DOCK10: variants seen among roughly 807,000 people sequenced by gnomAD.
DOCK10 encodes the protein dedicator of cytokinesis protein 10.
A neutral mutation model predicts 280.1 loss-of-function variants in DOCK10; 145 were observed. The ratio of observed to expected loss-of-function variants is 0.52; its 90% CI spans 0.45 to 0.59. The LOEUF (loss-of-function observed/expected upper bound fraction) is 0.59. Among genes scored for constraint, DOCK10 ranks in the 20% least tolerant of loss-of-function variants. DOCK10 has a pLI of 0.00. For missense variants in DOCK10, 2,368 were observed against 2,651.7 expected, an observed-to-expected ratio of 0.89 and a Z score of 2.35; for synonymous variants, 915 against 942.2, an observed-to-expected ratio of 0.97 and a Z score of 0.53.
At chr2:224,988,057 A>G (rs1706018728) in intron 1 of DOCK10, among the ~76,000 whole-genome samples, 1 of 152,110 alleles carries the variant, frequency 6.6e-6, no homozygotes, top group Admixed American at 6.5e-5. Context: ...CCTGGCCCAT[A>G]ATTATTCAGT....
At chr2:225,009,981 A>G (rs779908088) in intron 1 of DOCK10, among the ~76,000 whole-genome samples, 6 of 152,172 alleles carry the variant, frequency 3.9e-5, no homozygotes, top group African/African-American at 7.2e-5. Flanking sequence ...GGGCATAGAA[A>G]AAAATGCAGC....
At chr2:224,854,167 T>C (rs1325957063) in intron 16 of DOCK10, among the ~76,000 whole-genome samples, 2 of 151,862 alleles carry the variant, frequency 1.3e-5, no homozygotes, top group Non-Finnish European at 2.9e-5. Context: ...AATCCAAATA[T>C]CCCATGGCAA....
chr2:224,868,999 G>A (rs912609289), intron 11 of DOCK10, among the ~76,000 whole-genome samples: 4 of 152,050 alleles, frequency 2.6e-5, no homozygotes, highest in African/African-American at 7.2e-5. Flanking sequence ...AGCTCATGTG[G>A]TGATTCATTT....
intron 2 of DOCK10, among the ~76,000 whole-genome samples, chr2:224,921,926 C>G (rs1375753762): frequency 6.6e-6 from 1 of 151,584 alleles, no homozygotes; most frequent in East Asian, 1.9e-4. Context: ...ACGAAGAAAC[C>G]CCGTCTCTAC....
intron 1 of DOCK10, among the ~76,000 whole-genome samples, chr2:225,022,292 T>C (rs571038737): frequency 8.5e-5 from 13 of 152,216 alleles, no homozygotes; most frequent in African/African-American, 1.9e-4. Flanking sequence ...TAAAATTGTG[T>C]GATCTTGAGC....
rs1015462176 is a variant in DOCK10 at position 224,931,775 on chromosome 2, C to T, written c.124-107G>A. ...TTATCATTGAGGCTTTAACACTGCA[C>T]AATCCTTCCAATGCAGTCACAGAGA... On this transcript the variant is annotated intron_variant, in intron 1 of 55. Coordinates refer to ENST00000258390, the MANE Select transcript of DOCK10 (RefSeq NM_014689.3). The T allele has an allele frequency of 1.1e-5, 13 of 1,204,640 alleles. No homozygotes were observed. The South Asian group carries it at 2.1e-4, about 19-fold the overall frequency. 74.6% of individuals were successfully genotyped at this position (1,204,640 alleles called of 1,614,324 possible).
intron 50 of DOCK10, among the ~76,000 whole-genome samples, chr2:224,779,304 C>G (rs937446615): frequency 1.3e-5 from 2 of 151,802 alleles, no homozygotes; most frequent in Admixed American, 6.6e-5. Context: ...CAACCTCTGC[C>G]TCCTGGGTTC....
intron 1 of DOCK10, among the ~76,000 whole-genome samples, chr2:225,032,638 T>G (rs975058407): frequency 2.0e-5 from 3 of 152,220 alleles, no homozygotes; most frequent in African/African-American, 7.2e-5. Flanking sequence ...TTCAAAAAAG[T>G]TGAGTTCTAA....
chr2:225,027,335 C>G (rs916953787), intron 1 of DOCK10, among the ~76,000 whole-genome samples: 13 of 152,266 alleles, frequency 8.5e-5, no homozygotes, highest in African/African-American at 2.9e-4. Flanking sequence ...CTGGACAGCA[C>G]TCTCCTTGGC....
intron 28 of DOCK10, among the ~76,000 whole-genome samples, chr2:224,819,933 T>C (rs566341494): frequency 6.6e-6 from 1 of 152,380 alleles, no homozygotes; most frequent in African/African-American, 2.4e-5. Context: ...TTCTTTTTTA[T>C]ACAGAAAGCT....
At chr2:224,871,168 T>C (rs2125667737) in intron 11 of DOCK10, among the ~76,000 whole-genome samples, 1 of 152,254 alleles carries the variant, frequency 6.6e-6, no homozygotes, top group East Asian at 1.9e-4. Flanking sequence ...CATCTCTCTT[T>C]GGATATCTAA....
intron 50 of DOCK10, among the ~76,000 whole-genome samples, chr2:224,784,906 G>A (rs1364881750): frequency 6.6e-6 from 1 of 152,104 alleles, no homozygotes; most frequent in Non-Finnish European, 1.5e-5. Context: ...GGTTATTAAC[G>A]GGGTTTTTTA....
In DOCK10 at chr2:224,936,890, G is replaced by T. The variant is rs1003367973; in HGVS notation, c.124-5222C>A. ...TGGGGAGTTATTTGATTTTAAAATT[G>T]TTTACCCTCTGAAAATCCACCAGAG... On this transcript the variant is annotated intron_variant, in intron 1 of 55. Transcript: ENST00000258390. 2.0e-5 allele frequency among the ~76,000 whole-genome samples: 3 copies of T among 152,140 alleles called. No individual in the cohort carries two copies. In the East Asian group the frequency reaches 5.8e-4, roughly 29 times the overall value.
At chr2:224,866,293 A>G (rs1357086074) in intron 11 of DOCK10, among the ~76,000 whole-genome samples, 1 of 152,170 alleles carries the variant, frequency 6.6e-6, no homozygotes, top group African/African-American at 2.4e-5. Flanking sequence ...CATAAATTCA[A>G]TCTGGGTCTG....
intron 40 of DOCK10, among the ~76,000 whole-genome samples, chr2:224,801,303 A>AAAC (rs55750850): frequency 5.5e-5 from 8 of 146,146 alleles, no homozygotes; most frequent in African/African-American, 1.5e-4. Flanking sequence ...AAAAAAAAAA[A>AAAC]CATATTTGGG....
rs571369520 is a variant in DOCK10 at position 224,817,537 on chromosome 2, A to G, written c.3268-824T>C. Among the ~76,000 whole-genome samples, 3 of 152,332 alleles carry G rather than the reference A, an allele frequency of 2.0e-5. 1 individual carries two copies. Among genetic ancestry groups the G allele is most frequent in the African/African-American group, 7.2e-5 (3 of 41,584 alleles). On this transcript the variant is annotated intron_variant, in intron 29 of 55. Coordinates refer to ENST00000258390, the MANE Select transcript of DOCK10 (RefSeq NM_014689.3). ...TTAAAATACTGCCATTTCAAAAAGGATAATATTTGACTTAAACCTTTGTAC... is the reference window on the plus strand; with the variant it reads ...TTAAAATACTGCCATTTCAAAAAGGGTAATATTTGACTTAAACCTTTGTAC...
intron 2 of DOCK10, among the ~76,000 whole-genome samples, chr2:224,918,489 G>A (rs567395484): frequency 1.4e-5 from 2 of 145,644 alleles, no homozygotes; most frequent in South Asian, 2.2e-4. Flanking sequence ...GTGGTGCGGT[G>A]TGTGTGTGTG....
rs3754625 is a variant in DOCK10 at position 224,769,236 on chromosome 2, C to G, written c.6444+975G>C. ...ATAACTCGGTCAACCATTTCTTTCT[C>G]TAGCTACAATGGAGAGTTAAAAATC... On this transcript the variant is annotated intron_variant, in intron 55 of 55. Transcript: ENST00000258390. 1.3e-3 allele frequency among the ~76,000 whole-genome samples: 199 copies of G among 152,274 alleles called. 3 individuals carry two copies. In the East Asian group the frequency reaches 0.021, roughly 16 times the overall value.
At chr2:224,778,330 AT>A in intron 50 of DOCK10, 46 bp from the exon 51 acceptor site, 1 of 1,546,396 alleles carries the variant, frequency 6.5e-7, no homozygotes, top group African/African-American at 1.4e-5. Flanking sequence ...AATGCTAATC[AT>A]AAATCAAAAG....
Sources: gnomAD v4.1 joint callset for allele counts (sites outside exome capture counted in the v4.1 genomes callset) on GRCh38, gnomAD v4.1.1 for gene constraint, MANE v1.5 for transcripts, NCBI Gene and HGNC (gene_info 2026-07-23, HGNC 2026-07-21) for gene names.